SNTG2: variants seen among roughly 807,000 people sequenced by gnomAD.
The protein encoded by SNTG2 is gamma-2-syntrophin.
SNTG2 carries 74 observed loss-of-function variants against 70.9 expected under a neutral mutation model. That is an observed-to-expected ratio of 1.04 (90% CI 0.86 to 1.27). The LOEUF (loss-of-function observed/expected upper bound fraction) is 1.27. SNTG2 is among the 50% of genes most tolerant of loss of function. The pLI is 0.00. For synonymous variants in SNTG2, 278 were observed against 273.8 expected, an observed-to-expected ratio of 1.02 and a Z score of -0.15; for missense variants, 717 against 690.7, an observed-to-expected ratio of 1.04 and a Z score of -0.43.
chr2:988,018 G>A (rs888168288), intron 1 of SNTG2, among the ~76,000 whole-genome samples: 11 of 152,304 alleles, frequency 7.2e-5, no homozygotes, highest in Middle Eastern at 3.4e-3. Context: ...CGCCCTGCTC[G>A]CCACAGCCCG....
chr2:1,065,720 C>T (rs892192336), intron 1 of SNTG2, among the ~76,000 whole-genome samples: 21 of 101,742 alleles, frequency 2.1e-4, no homozygotes, highest in Admixed American at 1.6e-3. Context: ...TTGAAATTTG[C>T]AGTTATTTTT....
At chr2:1,128,784 G>T (rs746480704) in intron 4 of SNTG2, among the ~76,000 whole-genome samples, 3 of 151,968 alleles carry the variant, frequency 2.0e-5, no homozygotes, top group African/African-American at 7.3e-5. Context: ...AAATCTTCTC[G>T]TCCAGGGCTG....
At chr2:984,162 C>T (rs1028148220) in intron 1 of SNTG2, among the ~76,000 whole-genome samples, 1 of 152,130 alleles carries the variant, frequency 6.6e-6, no homozygotes, top group East Asian at 1.9e-4. Flanking sequence ...ACACTTTACC[C>T]TGGGGTTCTT....
chr2:1,279,259 T>G (rs11674954), intron 14 of SNTG2, among the ~76,000 whole-genome samples: 34,832 of 152,226 alleles, frequency 0.23, 4,779 homozygotes, highest in East Asian at 0.49. Context: ...TCTTATCGGA[T>G]GTAGTCATGT....
chr2:956,931 AT>A (rs1429300249), intron 1 of SNTG2, among the ~76,000 whole-genome samples: 5 of 152,226 alleles, frequency 3.3e-5, no homozygotes, highest in Admixed American at 1.3e-4. Flanking sequence ...AATTTTTCAC[AT>A]CAGCATAAGT....
At chr2:1,003,677 T>C (rs1246108603) in intron 1 of SNTG2, among the ~76,000 whole-genome samples, 1 of 152,168 alleles carries the variant, frequency 6.6e-6, no homozygotes, top group East Asian at 1.9e-4. Flanking sequence ...CCTGTTCCAG[T>C]GATGTCCTAA....
At chr2:1,306,498 G>A (rs567318511) in intron 14 of SNTG2, among the ~76,000 whole-genome samples, 45 of 152,326 alleles carry the variant, frequency 3.0e-4, no homozygotes, top group African/African-American at 1.0e-3. Flanking sequence ...GACAAGTGAG[G>A]AAGAGCCTCC....
At chr2:1,065,698 A>G (rs940054824) in intron 1 of SNTG2, among the ~76,000 whole-genome samples, 2 of 146,764 alleles carry the variant, frequency 1.4e-5, no homozygotes, top group Non-Finnish European at 3.0e-5. Flanking sequence ...TACTCTGCTC[A>G]GCTTTATATA....
intron 1 of SNTG2, among the ~76,000 whole-genome samples, chr2:977,565 GCTTC>G (rs1184588125): frequency 6.6e-6 from 1 of 152,166 alleles, no homozygotes; most frequent in Non-Finnish European, 1.5e-5. Flanking sequence ...ATAACCGACA[GCTTC>G]CCTCCCACTT....
chr2:1,175,293 A>G (rs28457035), intron 8 of SNTG2, among the ~76,000 whole-genome samples: 57,522 of 152,014 alleles, frequency 0.38, 11,192 homozygotes, highest in East Asian at 0.66. Flanking sequence ...GTTGTATTCT[A>G]TTGGTCAATA....
intron 9 of SNTG2, among the ~76,000 whole-genome samples, chr2:1,221,447 C>G (rs1201000594): frequency 1.5e-5 from 2 of 132,692 alleles, no homozygotes; most frequent in Non-Finnish European, 3.2e-5. Context: ...GTCTCTGTCT[C>G]TGTCTCTCTC....
At chr2:1,154,963 CAAAG>C (rs1341893507) in intron 6 of SNTG2, among the ~76,000 whole-genome samples, 2 of 148,034 alleles carry the variant, frequency 1.4e-5, no homozygotes, top group Non-Finnish European at 3.0e-5. Flanking sequence ...ACACCACACA[CAAAG>C]ACATATACCA....
chr2:1,327,206 G>A (rs1218458721), intron 16 of SNTG2, among the ~76,000 whole-genome samples: 2 of 151,876 alleles, frequency 1.3e-5, no homozygotes, highest in Non-Finnish European at 2.9e-5. Context: ...AACAATTTAT[G>A]AATACACATT....
chr2:1,186,153 A>C (rs756213239), intron 8 of SNTG2, among the ~76,000 whole-genome samples: 19 of 23,850 alleles, frequency 8.0e-4, no homozygotes, highest in Non-Finnish European at 1.5e-3. Flanking sequence ...CAATGCCTCC[A>C]ACCTCTTTGC....
intron 11 of SNTG2, among the ~76,000 whole-genome samples, chr2:1,243,436 G>T (rs1293725795): frequency 7.2e-6 from 1 of 139,334 alleles, no homozygotes; most frequent in Non-Finnish European, 1.5e-5. Flanking sequence ...GAATTAGATG[G>T]TAATTCCACC....
intron 1 of SNTG2, among the ~76,000 whole-genome samples, chr2:1,058,275 GTC>G (rs1247281004): frequency 6.6e-6 from 1 of 152,030 alleles, no homozygotes; most frequent in Non-Finnish European, 1.5e-5. Flanking sequence ...TCTCTGTCTT[GTC>G]TCTGACCTTT....
chr2:1,231,731 G>T (rs1051365514), intron 9 of SNTG2, among the ~76,000 whole-genome samples: 1 of 152,168 alleles, frequency 6.6e-6, no homozygotes, highest in Non-Finnish European at 1.5e-5. Flanking sequence ...CCTACCAGCA[G>T]GCAGCAGGCA....
chr2:1,115,626 G>T (rs1244090097), intron 4 of SNTG2, among the ~76,000 whole-genome samples: 1 of 150,704 alleles, frequency 6.6e-6, no homozygotes, highest in African/African-American at 2.4e-5. Flanking sequence ...TATGTACTAA[G>T]TGAGGTTTAA....
chr2:1,198,299 A>T (rs1268235574), intron 8 of SNTG2, among the ~76,000 whole-genome samples: 1 of 152,156 alleles, frequency 6.6e-6, no homozygotes, highest in Non-Finnish European at 1.5e-5. Flanking sequence ...AACATTATTG[A>T]AACAAATGAA....
Sources: allele counts gnomAD v4.1 joint callset (sites outside exome capture counted in the v4.1 genomes callset), GRCh38; gene constraint gnomAD v4.1.1; transcripts MANE v1.5; gene names NCBI Gene and HGNC (gene_info 2026-07-23, HGNC 2026-07-21).